The following SOX5 variants were observed in gnomAD, a reference collection of about 807,000 sequenced individuals.
SOX5 encodes the protein SRY-box transcription factor 5.
A neutral mutation model predicts 92.0 loss-of-function variants in SOX5; 9 were observed. The ratio of observed to expected loss-of-function variants is 0.10; its 90% CI spans 0.06 to 0.17. The LOEUF is 0.17. Among genes scored for constraint, SOX5 ranks in the 10% least tolerant of loss-of-function variants. SOX5 has a pLI of 1.00. For synonymous variants in SOX5, 344 were observed against 336.3 expected (o/e 1.02, Z -0.25); for missense variants, 642 against 944.5 (o/e 0.68, Z 4.20).
At chr12:24,156,310 C>G (rs977471374) in intron 4 of SOX5, among the ~76,000 whole-genome samples, 16 of 152,158 alleles carry the variant, frequency 1.1e-4, no homozygotes, top group Non-Finnish European at 2.2e-4. Context: ...ACCTGCTTGG[C>G]CTCTGCCCTT....
intron 4 of SOX5, among the ~76,000 whole-genome samples, chr12:24,043,808 AAGG>A (rs1412948817): frequency 2.6e-5 from 4 of 151,998 alleles, no homozygotes; most frequent in African/African-American, 9.7e-5. Context: ...ATTTCTTAGA[AAGG>A]AGAAGAACAA....
At position 24,091,431 on chromosome 12, in the gene SOX5, T is replaced by TC. The variant is rs1466830242; in HGVS notation, c.-2+121911_-2+121912insG. 3.6e-5 allele frequency among the ~76,000 whole-genome samples: 5 copies of TC among 139,228 alleles called. No homozygotes were observed. In the East Asian group the frequency reaches 1.0e-3, roughly 29 times the overall value. The allele number at this position is 139,228 out of a possible 152,430, so 91.3% of individuals were successfully genotyped here. On this transcript the variant is annotated intron_variant, in intron 4 of 4. Transcript: ENST00000446891. ...CATAAAGTAAATAGAGAATGCTATT[T>TC]TTTTTTTTTTTTTTTTGAGATGGAG...
intron 6 of SOX5, among the ~76,000 whole-genome samples, chr12:23,666,114 CTT>C (rs1249546585): frequency 6.2e-5 from 9 of 144,072 alleles, no homozygotes; most frequent in Admixed American, 1.4e-4. Context: ...AAACTTTACT[CTT>C]TTTTTTTTTT....
chr12:24,237,155 A>G (rs1006137156), intron 3 of SOX5, among the ~76,000 whole-genome samples: 2 of 152,172 alleles, frequency 1.3e-5, no homozygotes, highest in Admixed American at 6.5e-5. Context: ...AATAAATGTT[A>G]TTGGGCATAA....
intron 2 of SOX5, among the ~76,000 whole-genome samples, chr12:24,302,325 T>C (rs1205788007): frequency 3.3e-5 from 5 of 152,244 alleles, no homozygotes; most frequent in Admixed American, 6.5e-5. Flanking sequence ...AACATTGTTA[T>C]AGGTCTATTC....
At chr12:23,735,353 T>G (rs2093550671) in intron 5 of SOX5, among the ~76,000 whole-genome samples, 3 of 152,262 alleles carry the variant, frequency 2.0e-5, no homozygotes, top group East Asian at 3.9e-4. Flanking sequence ...AATTCTGAAG[T>G]GTTTTTCAGT....
At chr12:24,334,017 T>C (rs928847568) in intron 2 of SOX5, among the ~76,000 whole-genome samples, 2 of 151,706 alleles carry the variant, frequency 1.3e-5, no homozygotes, top group East Asian at 1.9e-4. Flanking sequence ...AATTCTATCA[T>C]ATATATATAA....
chr12:24,175,909 C>T (rs1954756143), intron 4 of SOX5, among the ~76,000 whole-genome samples: 1 of 151,932 alleles, frequency 6.6e-6, no homozygotes, highest in Admixed American at 6.6e-5. Flanking sequence ...CAAAAGGGAC[C>T]CGAACAGCCA....
intron 14 of SOX5, among the ~76,000 whole-genome samples, chr12:23,535,938 T>G (rs1436481055): frequency 6.6e-6 from 1 of 152,206 alleles, no homozygotes; most frequent in East Asian, 1.9e-4. Flanking sequence ...CAATTCAGAA[T>G]GAAACCTCCT....
intron 1 of SOX5, among the ~76,000 whole-genome samples, chr12:24,484,019 A>C (rs182151417): frequency 6.6e-6 from 1 of 152,336 alleles, no homozygotes; most frequent in East Asian, 1.9e-4. Flanking sequence ...TGCTGACTTA[A>C]AAGCGTTGTG....
chr12:23,847,536 A>G (rs1189368292), intron 2 of SOX5, among the ~76,000 whole-genome samples: 1 of 152,182 alleles, frequency 6.6e-6, no homozygotes, highest in African/African-American at 2.4e-5. Context: ...AAAATAGATT[A>G]AAAATAGATA....
chr12:24,399,765 A>C (rs532700943), intron 1 of SOX5, among the ~76,000 whole-genome samples: 115 of 152,348 alleles, frequency 7.5e-4, no homozygotes, highest in African/African-American at 2.6e-3. Flanking sequence ...ACAATTCCAA[A>C]ATTTAATTTT....
intron 6 of SOX5, among the ~76,000 whole-genome samples, chr12:23,680,736 A>T (rs1344561567): frequency 6.6e-6 from 1 of 152,154 alleles, no homozygotes; most frequent in Non-Finnish European, 1.5e-5. Context: ...TGAAAGGCAA[A>T]GATAAACCTT....
chr12:24,453,252 C>A (rs188124415), intron 1 of SOX5, among the ~76,000 whole-genome samples: 1 of 151,850 alleles, frequency 6.6e-6, no homozygotes, highest in East Asian at 1.9e-4. Context: ...AAGTTAAATG[C>A]TAGAATTTTT....
At chr12:24,137,865 G>A (rs1376568129) in intron 4 of SOX5, among the ~76,000 whole-genome samples, 1 of 152,232 alleles carries the variant, frequency 6.6e-6, no homozygotes, top group African/African-American at 2.4e-5. Flanking sequence ...GGATCGTGAT[G>A]CTGTTTGTGC....
chr12:24,054,415 C>T (rs547991793), intron 4 of SOX5, among the ~76,000 whole-genome samples: 108 of 152,306 alleles, frequency 7.1e-4, no homozygotes, highest in African/African-American at 2.5e-3. Flanking sequence ...AGTCTCAACA[C>T]GCCCACTTGG....
At chr12:23,569,382 A>G (rs1947740810) in intron 10 of SOX5, among the ~76,000 whole-genome samples, 1 of 152,184 alleles carries the variant, frequency 6.6e-6, no homozygotes, top group African/African-American at 2.4e-5. Context: ...AATTAAAGTT[A>G]AAAAGGTTTA....
In SOX5 at chr12:23,530,847, G is replaced by A. The variant is rs1172884973; in HGVS notation, c.*3372C>T. 2 of 151,820 alleles carry A rather than the reference G, an allele frequency of 1.3e-5. No homozygotes were observed. The highest frequency in any genetic ancestry group is 2.9e-5 in the Non-Finnish European group (2 of 68,060). 9.4% of individuals were successfully genotyped at this position (151,820 alleles called of 1,614,324 possible). ...CGCGCGCGCGCGCGCATGTGAGAGA[G>A]AGAGAGAAAGGGAAAGAGATAAAGT... On this transcript the variant is annotated 3_prime_UTR_variant, in exon 15 of 15. Coordinates refer to ENST00000451604, the MANE Select transcript of SOX5 (RefSeq NM_006940.6).
intron 4 of SOX5, among the ~76,000 whole-genome samples, chr12:23,751,451 T>C (rs1239183402): frequency 6.6e-6 from 1 of 151,832 alleles, no homozygotes; most frequent in Admixed American, 6.6e-5. Context: ...ACTTATAGGA[T>C]CCCTTACTAG....
Sources: gnomAD v4.1 joint callset for allele counts (sites outside exome capture counted in the v4.1 genomes callset) on GRCh38, gnomAD v4.1.1 for gene constraint, MANE v1.5 for transcripts, NCBI Gene and HGNC (gene_info 2026-07-23, HGNC 2026-07-21) for gene names.